THRB: variants seen among roughly 807,000 people sequenced by gnomAD.
THRB encodes thyroid hormone receptor beta.
A neutral mutation model predicts 47.8 loss-of-function variants in THRB; 12 were observed. The ratio of observed to expected loss-of-function variants is 0.25; its 90% CI spans 0.16 to 0.41. The LOEUF (loss-of-function observed/expected upper bound fraction) is 0.41, where lower values mean the gene tolerates loss of function less well. THRB is among the 10% of genes least tolerant of loss of function. The pLI is 1.00. For synonymous variants in THRB, 218 were observed against 212.2 expected, an observed-to-expected ratio of 1.03 and a Z score of -0.24; for missense variants, 348 against 589.2, an observed-to-expected ratio of 0.59 and a Z score of 4.24.
chr3:24,284,600 G>A (rs2055035705), intron 3 of THRB, among the ~76,000 whole-genome samples: 1 of 150,772 alleles, frequency 6.6e-6, no homozygotes, highest in African/African-American at 2.5e-5. Context: ...TTAAACTAAA[G>A]AGCTTCTGCA....
intron 1 of THRB, among the ~76,000 whole-genome samples, chr3:24,441,445 C>T (rs1414650652): frequency 6.6e-6 from 1 of 152,118 alleles, no homozygotes; most frequent in African/African-American, 2.4e-5. Flanking sequence ...GTCTTTTGTG[C>T]CCTGCTATGT....
chr3:24,256,065 TGA>T (rs1418513149), intron 3 of THRB, among the ~76,000 whole-genome samples: 1 of 152,072 alleles, frequency 6.6e-6, no homozygotes, highest in African/African-American at 2.4e-5. Flanking sequence ...AGCGAGCTAG[TGA>T]GAGAGTCTGA....
chr3:24,495,088 C>G (rs931363567), upstream of THRB: 2 of 152,364 alleles, frequency 1.3e-5, no homozygotes, highest in Admixed American at 1.3e-4. Flanking sequence ...CCGGGTCCCC[C>G]GCGTGCCCGG....
intron 1 of THRB, among the ~76,000 whole-genome samples, chr3:24,380,669 C>T (rs2065636370): frequency 1.3e-5 from 2 of 152,136 alleles, no homozygotes; most frequent in South Asian, 4.1e-4. Flanking sequence ...ACCACTTATA[C>T]CTAGAAAGAA....
At position 24,465,303 on chromosome 3, in the gene THRB, T is replaced by G. The variant is rs4858118; in HGVS notation, c.-261+29349A>C. On this transcript the variant is annotated intron_variant, in intron 1 of 10. Transcript: ENST00000646209. ...GCTAATGAAAAGTTAGCTGGCTATT[T>G]AATTGATTTCTTTGCAAGTAACGTT... is the stretch of plus-strand genomic sequence containing the variant. Among the ~76,000 whole-genome samples the G allele has an allele frequency of 6.4e-3, 972 of 152,338 alleles. 11 individuals carry two copies. The highest frequency in any genetic ancestry group is 0.022 in the African/African-American group (914 of 41,566).
intron 1 of THRB, among the ~76,000 whole-genome samples, chr3:24,441,437 C>G (rs2071514014): frequency 6.6e-6 from 1 of 152,126 alleles, no homozygotes; most frequent in Admixed American, 6.5e-5. Flanking sequence ...CTGGAGAGGT[C>G]TTTTGTGCCC....
intron 5 of THRB, among the ~76,000 whole-genome samples, chr3:24,173,099 C>CA (rs1305306541): frequency 6.6e-6 from 1 of 152,144 alleles, no homozygotes; most frequent in African/African-American, 2.4e-5. Context: ...CTTAGAAATG[C>CA]AAATTCTGCA....
At chr3:24,237,415 A>G (rs978007511) in intron 3 of THRB, among the ~76,000 whole-genome samples, 1 of 152,130 alleles carries the variant, frequency 6.6e-6, no homozygotes, top group African/African-American at 2.4e-5. Flanking sequence ...TAGTAAAATA[A>G]TTCACTTTTA....
At chr3:24,327,659 A>T (rs1193901729) in intron 2 of THRB, among the ~76,000 whole-genome samples, 1 of 152,230 alleles carries the variant, frequency 6.6e-6, no homozygotes, top group Non-Finnish European at 1.5e-5. Flanking sequence ...CTAACAACAA[A>T]ATAAATAAAC....
At chr3:24,129,105 C>G (rs891190174) in intron 9 of THRB, among the ~76,000 whole-genome samples, 1 of 152,088 alleles carries the variant, frequency 6.6e-6, no homozygotes, top group South Asian at 2.1e-4. Flanking sequence ...AGTCACTTTA[C>G]CATTTAATTT....
rs767769020 is a variant in THRB, at chr3:24,157,352, G to A, written c.284-4862C>T. On this transcript the variant is annotated intron_variant, in intron 5 of 10. Coordinates refer to ENST00000646209, the MANE Select transcript of THRB (RefSeq NM_001354712.2). ...AAGCACTGGTGGGCGGAGGAGGGGC[G>A]AGCAGGAGGACCAAGTAGAGGTGTC... 2.9e-4 allele frequency among the ~76,000 whole-genome samples: 44 copies of A among 152,038 alleles called. 1 individual carries two copies. Among genetic ancestry groups the A allele is most frequent in the Admixed American group, 3.3e-4 (5 of 15,272 alleles).
At chr3:24,209,685 G>A (rs569263811) in intron 4 of THRB, among the ~76,000 whole-genome samples, 2 of 152,276 alleles carry the variant, frequency 1.3e-5, no homozygotes, top group South Asian at 2.1e-4. Flanking sequence ...TAGGGTGGGC[G>A]GAGCGGGGAG....
At chr3:24,331,108 A>AT (rs1303043153) in intron 2 of THRB, among the ~76,000 whole-genome samples, 2 of 152,104 alleles carry the variant, frequency 1.3e-5, no homozygotes, top group African/African-American at 4.8e-5. Context: ...ATGAGTCTTG[A>AT]TTTTGTCTTC....
In THRB at chr3:24,202,227, G is replaced by A. The variant is rs573862340; in HGVS notation, c.23-11893C>T. On this transcript the variant is annotated intron_variant, in intron 4 of 10. Transcript: ENST00000646209. Reference sequence around the variant, plus strand: ...CTTGCTCAAAGTGACTGAGATGGAGGAAGAGCTGGGATGAGTCTTGTGATT... The same window carrying A: ...CTTGCTCAAAGTGACTGAGATGGAGAAAGAGCTGGGATGAGTCTTGTGATT... Among the ~76,000 whole-genome samples the A allele has an allele frequency of 1.6e-4, 25 of 152,312 alleles. No homozygotes were observed. The South Asian group carries it at 1.7e-3, about 10-fold the overall frequency.
At chr3:24,315,475 T>C (rs967899975) in intron 2 of THRB, among the ~76,000 whole-genome samples, 4 of 152,216 alleles carry the variant, frequency 2.6e-5, no homozygotes, top group South Asian at 2.1e-4. Context: ...GCTGGCGTCA[T>C]GGCTGTGTGG....
At chr3:24,334,233 C>CAAA in intron 2 of THRB, among the ~76,000 whole-genome samples, 1 of 152,218 alleles carries the variant, frequency 6.6e-6, no homozygotes, top group East Asian at 1.9e-4. Context: ...CCGTTGAAAG[C>CAAA]AAAAAGACTG....
Position 24,277,257 on chromosome 3 carries a change from G to T in THRB, c.-43+19969C>A, listed in dbSNP as rs558878447. ...TTTTATTGTCATGACTGAGGAGCGGGTGCCACGGGCATCTAGTGGGTAGAG... is the reference window on the plus strand; with the variant it reads ...TTTTATTGTCATGACTGAGGAGCGGTTGCCACGGGCATCTAGTGGGTAGAG... On this transcript the variant is annotated intron_variant, in intron 3 of 10. Transcript: ENST00000646209. Among the ~76,000 whole-genome samples the T allele has an allele frequency of 1.5e-4, 23 of 152,242 alleles. No individual in the cohort carries two copies. The South Asian group carries it at 4.6e-3, about 30-fold the overall frequency.
At chr3:24,202,283 T>C (rs1194406027) in intron 4 of THRB, among the ~76,000 whole-genome samples, 1 of 152,192 alleles carries the variant, frequency 6.6e-6, no homozygotes, top group Admixed American at 6.5e-5. Flanking sequence ...ATTGAAAACA[T>C]ACGTTTTTGG....
At chr3:24,125,630 G>A (rs764418924) in intron 10 of THRB, among the ~76,000 whole-genome samples, 6 of 152,110 alleles carry the variant, frequency 3.9e-5, no homozygotes, top group African/African-American at 1.4e-4. Flanking sequence ...TCTCCTGAAC[G>A]ACTGTGGGCC....
Sources: allele counts gnomAD v4.1 joint callset (sites outside exome capture counted in the v4.1 genomes callset), GRCh38; gene constraint gnomAD v4.1.1; transcripts MANE v1.5; gene names NCBI Gene and HGNC (gene_info 2026-07-23, HGNC 2026-07-21).